PLCB4: variants seen among roughly 807,000 people sequenced by gnomAD.
PLCB4 encodes the protein phospholipase C beta 4.
A neutral mutation model predicts 178.8 loss-of-function variants in PLCB4; 77 were observed. The ratio of observed to expected loss-of-function variants is 0.43; its 90% CI spans 0.36 to 0.52. The LOEUF is 0.52. Among genes scored for constraint, PLCB4 ranks in the 20% least tolerant of loss-of-function variants. The pLI, the probability that PLCB4 is intolerant of heterozygous loss-of-function variation, is 0.00. For missense variants in PLCB4, 1,024 were observed against 1,453.4 expected (o/e 0.70, Z 4.80); for synonymous variants, 496 against 490.8 (o/e 1.01, Z -0.14).
chr20:9,118,915 A>G (rs1379195576), intron 2 of PLCB4, among the ~76,000 whole-genome samples: 2 of 152,174 alleles, frequency 1.3e-5, no homozygotes, highest in African/African-American at 4.8e-5. Flanking sequence ...TAAGGCTCTC[A>G]TGTGCTCTGA....
chr20:9,438,707 A>G (rs2041933352), intron 30 of PLCB4, among the ~76,000 whole-genome samples: 1 of 152,216 alleles, frequency 6.6e-6, no homozygotes, highest in African/African-American at 2.4e-5. Flanking sequence ...AGAGAGATCT[A>G]TGTTCTAAGA....
At chr20:9,310,702 G>A (rs933206076) in intron 4 of PLCB4, among the ~76,000 whole-genome samples, 46 of 152,112 alleles carry the variant, frequency 3.0e-4, no homozygotes, top group African/African-American at 1.1e-3. Context: ...ACAAAGTGAT[G>A]CTGTGTCTCA....
intron 1 of PLCB4, among the ~76,000 whole-genome samples, chr20:9,076,261 G>A (rs1294199524): frequency 6.6e-6 from 1 of 152,114 alleles, no homozygotes; most frequent in Admixed American, 6.5e-5. Context: ...GAAGTCAGGA[G>A]TTTGAGACTA....
intron 3 of PLCB4, among the ~76,000 whole-genome samples, chr20:9,234,977 T>C (rs1456396493): frequency 6.6e-6 from 1 of 152,188 alleles, no homozygotes; most frequent in Non-Finnish European, 1.5e-5. Flanking sequence ...AGTTGCTTAG[T>C]AGAGAATGAA....
chr20:9,430,552 G>A (rs936283733), intron 28 of PLCB4, among the ~76,000 whole-genome samples: 1 of 152,200 alleles, frequency 6.6e-6, no homozygotes, highest in Non-Finnish European at 1.5e-5. Flanking sequence ...GTCCCTAATA[G>A]TGTCTAGATT....
At chr20:9,354,207 T>C (rs2034584787) in intron 7 of PLCB4, among the ~76,000 whole-genome samples, 1 of 152,198 alleles carries the variant, frequency 6.6e-6, no homozygotes, top group African/African-American at 2.4e-5. Context: ...TGTGTGTGAA[T>C]TTTCATCCAA....
chr20:9,239,435 C>G (rs1007231497), intron 3 of PLCB4, among the ~76,000 whole-genome samples: 1 of 152,124 alleles, frequency 6.6e-6, no homozygotes. Context: ...ATGGCTGACC[C>G]CTATAACAAA....
chr20:9,408,178 C>T, intron 22 of PLCB4, 120 bp downstream of exon 22: 1 of 824,064 alleles, frequency 1.2e-6, no homozygotes. Context: ...TTCCACCTCA[C>T]CTTATTTTTG....
rs550534473 is a variant in PLCB4 at position 9,129,280 on chromosome 20, T to C, written c.-79+32938T>C. 1.7e-4 allele frequency among the ~76,000 whole-genome samples: 26 copies of C among 152,266 alleles called. 1 individual carries two copies. The highest frequency in any genetic ancestry group is 5.8e-4 in the African/African-American group (24 of 41,564). The stretch of plus-strand genomic sequence containing the variant: ...ATATGGGCCGAAAAGTCAGTCCCCC[T>C]CCCACCAATTAGGATAGAAATTGGT... On this transcript the variant is annotated intron_variant, in intron 2 of 39. Transcript: ENST00000378473.
intron 1 of PLCB4, among the ~76,000 whole-genome samples, chr20:9,084,246 A>G (rs979730622): frequency 6.6e-6 from 1 of 152,158 alleles, no homozygotes; most frequent in Non-Finnish European, 1.5e-5. Context: ...TGAATTGCAC[A>G]TACTTCTTTA....
intron 25 of PLCB4, among the ~76,000 whole-genome samples, chr20:9,412,703 C>G (rs571908549): frequency 3.3e-5 from 5 of 152,170 alleles, no homozygotes; most frequent in African/African-American, 1.2e-4. Flanking sequence ...GTCACTTTGG[C>G]CTGCCTTCAG....
chr20:9,316,880 G>T (rs2094905699), intron 4 of PLCB4, among the ~76,000 whole-genome samples: 1 of 152,160 alleles, frequency 6.6e-6, no homozygotes, highest in African/African-American at 2.4e-5. Context: ...AATATTATCT[G>T]GTCTCTCATG....
chr20:9,306,098 G>A (rs1316528267), intron 3 of PLCB4, among the ~76,000 whole-genome samples: 2 of 152,040 alleles, frequency 1.3e-5, no homozygotes, highest in Middle Eastern at 3.4e-3. Flanking sequence ...CTCCATATAA[G>A]GTTGGTAAAC....
chr20:9,328,705 A>G (rs1369499341), intron 4 of PLCB4, among the ~76,000 whole-genome samples: 1 of 152,232 alleles, frequency 6.6e-6, no homozygotes, highest in African/African-American at 2.4e-5. Flanking sequence ...TTTGATCTGC[A>G]TGCCTCAATG....
intron 2 of PLCB4, among the ~76,000 whole-genome samples, chr20:9,209,055 A>G (rs1194913861): frequency 6.6e-6 from 1 of 152,194 alleles, no homozygotes; most frequent in African/African-American, 2.4e-5. Flanking sequence ...TGGTCCTTCT[A>G]GGTACTGAGT....
chr20:9,385,973 T>C (rs1177831519), intron 14 of PLCB4, among the ~76,000 whole-genome samples: 4 of 152,090 alleles, frequency 2.6e-5, no homozygotes, highest in African/African-American at 7.2e-5. Context: ...ACACTGAGCA[T>C]TGAGTGAGCG....
rs757637485 is a variant in PLCB4, at chr20:9,459,625, T to C, written c.3073-10T>C. ...GATTACAATGGCACCGTCCCCTTTT[T>C]CCCAAACAGGTCAAAGAGATTGTAG... On this transcript the variant is annotated splice_polypyrimidine_tract_variant and intron_variant, in intron 34 of 39. Transcript: ENST00000378473. 1.3e-6 allele frequency: 2 copies of C among 1,586,934 alleles called. No homozygotes were observed. Among genetic ancestry groups the C allele is most frequent in the Non-Finnish European group, 1.7e-6 (2 of 1,158,096 alleles).
chr20:9,408,122 C>G (rs2148499396), intron 22 of PLCB4, 64 bp downstream of exon 22: 1 of 1,347,078 alleles, frequency 7.4e-7, no homozygotes, highest in South Asian at 1.4e-5. Flanking sequence ...TGCTGATGAG[C>G]TTTTATCTAA....
intron 3 of PLCB4, among the ~76,000 whole-genome samples, chr20:9,240,834 T>A (rs1172258445): frequency 2.0e-5 from 3 of 152,072 alleles, no homozygotes; most frequent in Non-Finnish European, 1.5e-5. Context: ...GGGAGATGAG[T>A]AACAAACACA....
Sources: gnomAD v4.1 joint callset for allele counts (sites outside exome capture counted in the v4.1 genomes callset) on GRCh38, gnomAD v4.1.1 for gene constraint, MANE v1.5 for transcripts, NCBI Gene and HGNC (gene_info 2026-07-23, HGNC 2026-07-21) for gene names.